Variants in DNAJB1 observed in about 807,000 individuals in gnomAD.
The protein encoded by DNAJB1 is DnaJ heat shock protein family (Hsp40) member B1.
In DNAJB1, 14 loss-of-function variants were observed where a neutral mutation model predicts 24.0. The observed-to-expected ratio is 0.58, with a 90% confidence interval of 0.39 to 0.91. The LOEUF is 0.91. DNAJB1 is among the 40% of genes least tolerant of loss of function. The pLI, the probability that DNAJB1 is intolerant of heterozygous loss-of-function variation, is 0.00. For missense variants in DNAJB1, 517 were observed against 458.1 expected, an observed-to-expected ratio of 1.13 and a Z score of -1.17; for synonymous variants, 262 against 174.4, an observed-to-expected ratio of 1.50 and a Z score of -3.96.
At position 14,518,364 on chromosome 19, in the gene DNAJB1, GCCCGCCGA is replaced by G; in HGVS notation, c.-23_-16del. 1 of 1,537,428 alleles carries G rather than the reference GCCCGCCGA, an allele frequency of 6.5e-7. No homozygotes were observed. Among genetic ancestry groups the G allele is most frequent in the South Asian group, 1.2e-5 (1 of 81,924 alleles). Reference sequence around the variant, plus strand: ...TCTTTACCCATGACCCCCTCCTGCGGCCCGCCGACCCGCTGTCGCCGTCCCCCGGCTCC... The same window carrying G: ...TCTTTACCCATGACCCCCTCCTGCGGCCCGCTGTCGCCGTCCCCCGGCTCC... On this transcript the variant is annotated 5_prime_UTR_variant, in exon 1 of 3. Transcript: ENST00000254322.
At chr19:14,556,513 C>T (rs1289612904) in intron 1 of DNAJB1, among the ~76,000 whole-genome samples, 3 of 152,136 alleles carry the variant, frequency 2.0e-5, no homozygotes, top group Non-Finnish European at 4.4e-5. Context: ...TATCTGCCCC[C>T]ACCCCCTGCT....
chr19:14,550,110 C>T (rs1174025979), intron 1 of DNAJB1, among the ~76,000 whole-genome samples: 3 of 151,974 alleles, frequency 2.0e-5, no homozygotes, highest in Non-Finnish European at 4.4e-5. Context: ...GAGTTCCATG[C>T]GAGCAGGGAT....
upstream of DNAJB1, chr19:14,530,111 C>G (rs534976143): frequency 2.8e-4 from 94 of 330,416 alleles, no homozygotes; most frequent in Non-Finnish European, 5.0e-4. Flanking sequence ...TAGGAAGGGG[C>G]TTTGCTATCA....
At position 14,515,846 on chromosome 19, in the gene DNAJB1, CT is replaced by C. The variant is rs2146517101; in HGVS notation, c.*93del. The C allele has an allele frequency of 8.0e-7, 1 of 1,255,400 alleles. No homozygotes were observed. The highest frequency in any genetic ancestry group is 2.3e-5 in the Admixed American group (1 of 43,156). 77.8% of individuals were successfully genotyped at this position (1,255,400 alleles called of 1,614,324 possible). On this transcript the variant is annotated 3_prime_UTR_variant, in exon 3 of 3. Coordinates refer to ENST00000254322, the MANE Select transcript of DNAJB1 (RefSeq NM_006145.3). ...GCAGTACGAAAGCCCTCCCTGGGCC[CT>C]CCCACCCTCTCATGGTCCACAACTG...
Position 14,542,347 on chromosome 19 carries a change from G to GTTT in DNAJB1, c.-214+7858_-214+7860dup, listed in dbSNP as rs71166754. 5.8e-4 allele frequency among the ~76,000 whole-genome samples: 25 copies of GTTT among 43,294 alleles called. 2 individuals are homozygous for GTTT. The highest frequency in any genetic ancestry group is 1.9e-3 in the South Asian group (2 of 1,080). 28.4% of individuals were successfully genotyped at this position (43,294 alleles called of 152,430 possible). A position where few individuals can be genotyped will look rare whatever the true frequency, so the allele number is the denominator to read the frequency against. On this transcript the variant is annotated intron_variant, in intron 1 of 3. Coordinates refer to the DNAJB1 transcript ENST00000676982. ...CCTCAGGGGGCCCTCATGCCATAGT[G>GTTT]TTTTTTTTTTTTTTTTTTTTTTTTT...
upstream of DNAJB1, among the ~76,000 whole-genome samples, chr19:14,522,804 A>G (rs1568383713): frequency 6.6e-6 from 1 of 151,994 alleles, no homozygotes. Flanking sequence ...GAGTCTGAGG[A>G]CAGTTGCTTT....
chr19:14,526,436 A>G (rs1395403854), intron 2 of DNAJB1, among the ~76,000 whole-genome samples: 4 of 152,232 alleles, frequency 2.6e-5, no homozygotes, highest in Non-Finnish European at 5.9e-5. Flanking sequence ...CGGAAGCCAG[A>G]TGGGCAAACA....
intron 1 of DNAJB1, among the ~76,000 whole-genome samples, chr19:14,536,206 T>C (rs1043531935): frequency 2.0e-5 from 3 of 152,004 alleles, no homozygotes; most frequent in Admixed American, 1.3e-4. Context: ...TAGGCTCATA[T>C]GCTTAACTGC....
At chr19:14,519,787 T>G (rs1159166032), upstream of DNAJB1, among the ~76,000 whole-genome samples, 1 of 152,156 alleles carries the variant, frequency 6.6e-6, no homozygotes, top group African/African-American at 2.4e-5. Flanking sequence ...CATAGGTGTG[T>G]CACACACCTT....
upstream of DNAJB1, among the ~76,000 whole-genome samples, chr19:14,522,934 C>G (rs1222877761): frequency 6.6e-6 from 1 of 152,260 alleles, no homozygotes; most frequent in Admixed American, 6.5e-5. Flanking sequence ...GTAGATTAGG[C>G]CGGGTGCGGT....
chr19:14,550,266 G>A (rs772887492), exon 1 of DNAJB1, among the ~76,000 whole-genome samples: 87 of 152,222 alleles, frequency 5.7e-4, no homozygotes, highest in African/African-American at 1.9e-3. Flanking sequence ...ATGAGCCTCC[G>A]TGCCTGGCTG....
In DNAJB1 at chr19:14,516,604, G is replaced by A. The variant is rs774019162; in HGVS notation, c.654C>T (p.Ile218=). The A allele has an allele frequency of 4.3e-6, 7 of 1,614,064 alleles. No individual in the cohort carries two copies. Among genetic ancestry groups the A allele is most frequent in the East Asian group, 4.5e-5 (2 of 44,902 alleles). Residue 218 remains isoleucine, a synonymous_variant, in exon 2 of 3, where the codon ATC becomes ATT. Coordinates refer to ENST00000254322, the MANE Select transcript of DNAJB1 (RefSeq NM_006145.3). The part of the protein sequence containing the change: ...VKKGWKEGTK[I]TFPKEGDQTS... ...TCTGGTCTCCTTCCTTGGGGAAAGT[G>A]ATTTTGGTTCCTTCTTTCCACCCCT...
chr19:14,550,938 CT>C (rs2073477920), upstream of DNAJB1, among the ~76,000 whole-genome samples: 1 of 152,044 alleles, frequency 6.6e-6, no homozygotes, highest in Admixed American at 6.6e-5. Context: ...TCCCAGAGTA[CT>C]GGGATTACAG....
At chr19:14,529,367 G>A (rs899714764), upstream of DNAJB1, 4 of 515,542 alleles carry the variant, frequency 7.8e-6, no homozygotes, top group Non-Finnish European at 1.4e-5. Context: ...GCGGGGCAGA[G>A]ACCTCCTTTG....
intron 1 of DNAJB1, among the ~76,000 whole-genome samples, chr19:14,543,403 ATATATATATATATATATTTTTTTTTTTT>A (rs2073172488): frequency 1.5e-3 from 15 of 9,792 alleles, no homozygotes; most frequent in African/African-American, 3.8e-3. Context: ...ATATATATAT[ATATATATATATATATATTTTTTTTTTTT>A]TTTTTTTTTT....
chr19:14,515,202 G>A lies in DNAJB1; in HGVS notation c.*738C>T, dbSNP rs565739186. On this transcript the variant is annotated 3_prime_UTR_variant, in exon 3 of 3. Coordinates refer to ENST00000254322, the MANE Select transcript of DNAJB1 (RefSeq NM_006145.3). ...GGTAAGCCCCACGTGTGCCAAGATTGCCTTACAGAAATGTAAAGAGTGTGA... is the reference window on the plus strand; with the variant it reads ...GGTAAGCCCCACGTGTGCCAAGATTACCTTACAGAAATGTAAAGAGTGTGA... The A allele has an allele frequency of 3.5e-4, 54 of 152,746 alleles. No individual in the cohort carries two copies. Among genetic ancestry groups the A allele is most frequent in the African/African-American group, 1.2e-3 (49 of 41,560 alleles). The allele number at this position is 152,746 out of a possible 1,614,324, so 9.5% of individuals were successfully genotyped here. A position where few individuals can be genotyped will look rare whatever the true frequency, so the allele number is the denominator to read the frequency against.
upstream of DNAJB1, among the ~76,000 whole-genome samples, chr19:14,520,591 A>T (rs963180761): frequency 6.6e-6 from 1 of 152,234 alleles, no homozygotes; most frequent in Non-Finnish European, 1.5e-5. Flanking sequence ...CTGGACTAGA[A>T]CTGGACAACC....
chr19:14,551,197 T>G (rs1473574052), upstream of DNAJB1, among the ~76,000 whole-genome samples: 2 of 151,886 alleles, frequency 1.3e-5, no homozygotes, highest in Non-Finnish European at 2.9e-5. Context: ...CTCAGGCTCC[T>G]GAGTAGCTGG....
At chr19:14,550,354 G>A (rs971088417), upstream of DNAJB1, among the ~76,000 whole-genome samples, 3 of 152,152 alleles carry the variant, frequency 2.0e-5, no homozygotes, top group East Asian at 3.8e-4. Flanking sequence ...AGGCTCTTTG[G>A]CAAGCTGAGC....
Sources: gnomAD v4.1 joint callset for allele counts (sites outside exome capture counted in the v4.1 genomes callset) on GRCh38, gnomAD v4.1.1 for gene constraint, MANE v1.5 for transcripts, NCBI Gene and HGNC (gene_info 2026-07-23, HGNC 2026-07-21) for gene names.